The following TRDN variants were observed in gnomAD, a reference collection of about 807,000 sequenced individuals.
TRDN encodes the protein triadin in skeletal muscle.
In TRDN, 161 loss-of-function variants were observed where a neutral mutation model predicts 149.7. That is an observed-to-expected ratio of 1.08 (90% CI 0.95 to 1.23). The LOEUF is 1.23. TRDN is among the 50% of genes most tolerant of loss of function. The pLI is 0.00. For missense variants in TRDN, 896 were observed against 823.5 expected (o/e 1.09, Z -1.08); for synonymous variants, 294 against 250.5 (o/e 1.17, Z -1.64).
chr6:123,513,594 A>G (rs1424362891), intron 6 of TRDN, among the ~76,000 whole-genome samples: 1 of 152,204 alleles, frequency 6.6e-6, no homozygotes, highest in East Asian at 1.9e-4. Flanking sequence ...TATTTCTAGA[A>G]CAGAGAAAGG....
intron 6 of TRDN, among the ~76,000 whole-genome samples, chr6:123,514,592 T>C (rs890977713): frequency 6.6e-6 from 1 of 150,530 alleles, no homozygotes; most frequent in African/African-American, 2.5e-5. Flanking sequence ...CAGAAAAATA[T>C]TTGAAAATAA....
intron 1 of TRDN, among the ~76,000 whole-genome samples, chr6:123,621,774 A>G (rs1201729840): frequency 6.6e-6 from 1 of 152,150 alleles, no homozygotes; most frequent in Non-Finnish European, 1.5e-5. Flanking sequence ...AAAGAAAACC[A>G]TTACCAAAAA....
intron 38 of TRDN, among the ~76,000 whole-genome samples, chr6:123,249,640 G>A (rs952494997): frequency 2.0e-5 from 3 of 152,086 alleles, no homozygotes; most frequent in African/African-American, 7.2e-5. Flanking sequence ...CAACATGGAT[G>A]GAGTTGAAGC....
Position 123,251,413 on chromosome 6 carries a change from A to C in TRDN, c.1975+999T>G, listed in dbSNP as rs933812245. Among the ~76,000 whole-genome samples the C allele has an allele frequency of 3.3e-5, 5 of 152,212 alleles. No homozygotes were observed. In the South Asian group the frequency reaches 1.0e-3, roughly 32 times the overall value. ...AATACACATAAGATTTCAAAATCTC[A>C]ATACAAAAAAAGAATGTAGGGATAA... On this transcript the variant is annotated intron_variant, in intron 38 of 40. Transcript: ENST00000334268.
At chr6:123,466,076 G>A (rs1186017162) in intron 9 of TRDN, among the ~76,000 whole-genome samples, 9 of 152,160 alleles carry the variant, frequency 5.9e-5, no homozygotes, top group Admixed American at 5.9e-4. Context: ...TACTGAGCAT[G>A]TTTAAGTATG....
In TRDN at chr6:123,377,706, T is replaced by A. The variant is rs377411184; in HGVS notation, c.1246+10A>T. ...AGTATTCGGAATCCAGCAACAGTGG[T>A]CTTACTCACCTGAGTGTTCTTTCTT... On this transcript the variant is annotated intron_variant, in intron 18 of 40. Coordinates refer to ENST00000334268, the MANE Select transcript of TRDN (RefSeq NM_006073.4). 18 of 1,613,146 alleles carry A rather than the reference T, an allele frequency of 1.1e-5. No homozygotes were observed. The highest frequency in any genetic ancestry group is 1.2e-5 in the Non-Finnish European group (14 of 1,179,568).
intron 1 of TRDN, among the ~76,000 whole-genome samples, chr6:123,587,510 A>G (rs948186143): frequency 4.6e-5 from 7 of 152,154 alleles, no homozygotes; most frequent in African/African-American, 1.7e-4. Flanking sequence ...TGAGGACCTG[A>G]GGTCGTAAGT....
chr6:123,416,690 C>T (rs1007188046), intron 12 of TRDN, among the ~76,000 whole-genome samples: 2 of 143,862 alleles, frequency 1.4e-5, no homozygotes, highest in African/African-American at 5.2e-5. Context: ...CACCATTATT[C>T]TTTTCCTCTT....
At chr6:123,229,222 A>C (rs1340893496) in intron 38 of TRDN, among the ~76,000 whole-genome samples, 2 of 151,914 alleles carry the variant, frequency 1.3e-5, no homozygotes, top group African/African-American at 2.4e-5. Flanking sequence ...TATGGCTGTC[A>C]TTTTAATCAA....
At position 123,252,407 on chromosome 6, in the gene TRDN, CT is replaced by C. The variant is rs763953757; in HGVS notation, c.1975+4del. On this transcript the variant is annotated splice_donor_region_variant and intron_variant, in intron 38 of 40. Transcript: ENST00000334268. The stretch of plus-strand genomic sequence containing the variant: ...GAACTTGTCATTAATACAAACCGTA[CT>C]TACTTGATACTCTTGCAGGTTTTTC... 3.0e-5 allele frequency: 45 copies of C among 1,512,574 alleles called. No homozygotes were observed. Among genetic ancestry groups the C allele is most frequent in the Admixed American group, 2.4e-4 (13 of 54,458 alleles). The allele number at this position is 1,512,574 out of a possible 1,614,324, so 93.7% of individuals were successfully genotyped here.
chr6:123,610,989 A>C (rs1784779064), intron 1 of TRDN, among the ~76,000 whole-genome samples: 1 of 152,162 alleles, frequency 6.6e-6, no homozygotes, highest in Admixed American at 6.5e-5. Flanking sequence ...CAAGACTGCT[A>C]CTTTAAGCTG....
intron 21 of TRDN, chr6:123,350,093 A>C (rs1012091052): frequency 7.2e-6 from 7 of 976,922 alleles, no homozygotes; most frequent in Non-Finnish European, 8.5e-6. Context: ...ACAGGCTCCA[A>C]CTTTATACTT....
chr6:123,409,381 T>C (rs1167203761), intron 12 of TRDN, among the ~76,000 whole-genome samples: 3 of 152,188 alleles, frequency 2.0e-5, no homozygotes, highest in Non-Finnish European at 2.9e-5. Context: ...AATATTGCAG[T>C]CAGAAAGGTC....
At chr6:123,250,505 A>G (rs1237655838) in intron 38 of TRDN, among the ~76,000 whole-genome samples, 2 of 152,076 alleles carry the variant, frequency 1.3e-5, no homozygotes, top group African/African-American at 2.4e-5. Flanking sequence ...ATAAATACCT[A>G]AGACAGTTTT....
intron 4 of TRDN, among the ~76,000 whole-genome samples, chr6:123,544,894 T>G (rs897976175): frequency 5.3e-5 from 8 of 151,976 alleles, no homozygotes; most frequent in African/African-American, 1.9e-4. Flanking sequence ...AATAATCTGT[T>G]TAATAATCAA....
At chr6:123,540,209 A>G (rs1780757073) in intron 4 of TRDN, among the ~76,000 whole-genome samples, 1 of 152,218 alleles carries the variant, frequency 6.6e-6, no homozygotes, top group South Asian at 2.1e-4. Flanking sequence ...CAACAGGGAT[A>G]TGCTACTAAA....
intron 38 of TRDN, among the ~76,000 whole-genome samples, chr6:123,238,502 C>T (rs967852909): frequency 6.6e-6 from 1 of 151,768 alleles, no homozygotes; most frequent in African/African-American, 2.4e-5. Flanking sequence ...AGGAAAAAAC[C>T]CTCAATTTAT....
chr6:123,617,101 AT>A (rs1554263408), intron 1 of TRDN, among the ~76,000 whole-genome samples: 2 of 152,062 alleles, frequency 1.3e-5, no homozygotes, highest in East Asian at 1.9e-4. Flanking sequence ...CTCTGACCTG[AT>A]TTTTTTTAAC....
rs78688272 is a variant in TRDN at position 123,468,842 on chromosome 6, C to T, written c.854-3859G>A. 4.6e-5 allele frequency: 7 copies of T among 152,130 alleles called. No individual in the cohort carries two copies. The East Asian group carries it at 7.7e-4, about 17-fold the overall frequency. 9.4% of individuals were successfully genotyped at this position (152,130 alleles called of 1,614,324 possible). A position where few individuals can be genotyped will look rare whatever the true frequency, so the allele number is the denominator to read the frequency against. ...CCCTCATTGGATTTTCCTGGAAGTA[C>T]GGAGAGTTACATCCAGAGAACTCTG... is the stretch of plus-strand genomic sequence containing the variant. On this transcript the variant is annotated intron_variant, in intron 9 of 40. Coordinates refer to ENST00000334268, the MANE Select transcript of TRDN (RefSeq NM_006073.4).
Sources: allele counts gnomAD v4.1 joint callset (sites outside exome capture counted in the v4.1 genomes callset), GRCh38; gene constraint gnomAD v4.1.1; transcripts MANE v1.5; gene names NCBI Gene and HGNC (gene_info 2026-07-23, HGNC 2026-07-21).